The following PARPBP variants were observed in gnomAD, a reference collection of about 807,000 sequenced individuals.
PARPBP encodes PARP1 binding protein.
PARPBP carries 52 observed loss-of-function variants against 50.0 expected under a neutral mutation model. The ratio of observed to expected loss-of-function variants is 1.04; its 90% CI spans 0.83 to 1.31. The LOEUF is 1.31. Ranked by LOEUF, PARPBP falls within the 50% of genes most tolerant of loss-of-function variation. PARPBP has a pLI of 0.00. For missense variants in PARPBP, 697 were observed against 672.0 expected (o/e 1.04, Z -0.41); for synonymous variants, 244 against 232.1 (o/e 1.05, Z -0.47).
intron 9 of PARPBP, among the ~76,000 whole-genome samples, chr12:102,190,767 T>C (rs987124086): frequency 3.9e-5 from 6 of 152,134 alleles, no homozygotes; most frequent in Non-Finnish European, 8.8e-5. Context: ...ATGGAGTTTA[T>C]ATTTTAGTTG....
At chr12:102,141,895 C>T (rs548490789) in intron 2 of PARPBP, among the ~76,000 whole-genome samples, 1 of 152,266 alleles carries the variant, frequency 6.6e-6, no homozygotes, top group East Asian at 1.9e-4. Flanking sequence ...GTAACCTGAC[C>T]TTTCTCTCTG....
chr12:102,125,483 T>C (rs1230407690), intron 2 of PARPBP, among the ~76,000 whole-genome samples: 1 of 152,078 alleles, frequency 6.6e-6, no homozygotes, highest in Admixed American at 6.6e-5. Context: ...GCCATGGGGA[T>C]TTTTATGGGA....
rs1196460891 is a variant in PARPBP at position 102,196,892 on chromosome 12, T to C, written c.*601T>C. Reference sequence around the variant, plus strand: ...ATGGTCTTATTTGATTTTGTTATGATTGCATCCAAATTCACTTTAACTCAG... The same window carrying C: ...ATGGTCTTATTTGATTTTGTTATGACTGCATCCAAATTCACTTTAACTCAG... On this transcript the variant is annotated 3_prime_UTR_variant, in exon 11 of 11. Coordinates refer to ENST00000327680, the MANE Select transcript of PARPBP (RefSeq NM_017915.5). 1.1e-5 allele frequency: 14 copies of C among 1,251,400 alleles called. No individual in the cohort carries two copies. Among genetic ancestry groups the C allele is most frequent in the Admixed American group, 5.7e-5 (3 of 52,254 alleles). 77.5% of individuals were successfully genotyped at this position (1,251,400 alleles called of 1,614,324 possible).
intron 2 of PARPBP, among the ~76,000 whole-genome samples, chr12:102,142,876 G>C (rs1378743443): frequency 6.6e-6 from 1 of 152,182 alleles, no homozygotes; most frequent in Non-Finnish European, 1.5e-5. Context: ...GGGACACCCG[G>C]CCGTATGAGG....
At chr12:102,121,053 G>A (rs961040664) in intron 1 of PARPBP, among the ~76,000 whole-genome samples, 3 of 152,194 alleles carry the variant, frequency 2.0e-5, no homozygotes, top group African/African-American at 7.2e-5. Flanking sequence ...GCCATTCAGA[G>A]TGCTTGCATA....
At chr12:102,136,694 T>C (rs1883682080) in intron 2 of PARPBP, among the ~76,000 whole-genome samples, 1 of 152,186 alleles carries the variant, frequency 6.6e-6, no homozygotes, top group Non-Finnish European at 1.5e-5. Context: ...TGTGCACATG[T>C]GTAGTGGTGT....
At chr12:102,184,015 C>T (rs12303633) in intron 9 of PARPBP, among the ~76,000 whole-genome samples, 1 of 124,668 alleles carries the variant, frequency 8.0e-6, no homozygotes, top group African/African-American at 3.2e-5. Context: ...CCACTTCATT[C>T]TAGCCTGGGT....
intron 2 of PARPBP, among the ~76,000 whole-genome samples, chr12:102,132,763 A>G (rs922392426): frequency 6.6e-6 from 1 of 152,204 alleles, no homozygotes; most frequent in African/African-American, 2.4e-5. Flanking sequence ...CATTTTAACA[A>G]TATTAATTCT....
In PARPBP at chr12:102,141,420, G is replaced by A. The variant is rs554481873; in HGVS notation, c.154-6810G>A. Among the ~76,000 whole-genome samples the A allele has an allele frequency of 4.6e-3, 696 of 152,118 alleles. 7 individuals are homozygous for A. The highest frequency in any genetic ancestry group is 0.016 in the African/African-American group (670 of 41,498). On this transcript the variant is annotated intron_variant, in intron 2 of 10. Coordinates refer to ENST00000327680, the MANE Select transcript of PARPBP (RefSeq NM_017915.5). The stretch of plus-strand genomic sequence containing the variant: ...GGTCTCCTGAATACAGCACACTGAT[G>A]GGTCTTGACTCTTTATCCAATTTGC...
At chr12:102,179,714 G>GATAT (rs35094914) in intron 8 of PARPBP, among the ~76,000 whole-genome samples, 2 of 151,792 alleles carry the variant, frequency 1.3e-5, no homozygotes, top group Non-Finnish European at 2.9e-5. Flanking sequence ...AAGGCATATA[G>GATAT]ATATATATAT....
At chr12:102,193,723 T>C (rs1891011847) in intron 9 of PARPBP, among the ~76,000 whole-genome samples, 1 of 152,068 alleles carries the variant, frequency 6.6e-6, no homozygotes, top group Non-Finnish European at 1.5e-5. Flanking sequence ...CTGCTTTAAA[T>C]CTGTAGTTAT....
At chr12:102,134,498 G>A (rs79791059) in intron 2 of PARPBP, among the ~76,000 whole-genome samples, 5,458 of 152,192 alleles carry the variant, frequency 0.036, 398 homozygotes, top group East Asian at 0.3. Flanking sequence ...GGACCTGATG[G>A]CTTTACTGCT....
chr12:102,163,040 A>C (rs1453701192), intron 4 of PARPBP, among the ~76,000 whole-genome samples: 1 of 152,176 alleles, frequency 6.6e-6, no homozygotes, highest in African/African-American at 2.4e-5. Context: ...AAAGGTGTGA[A>C]GTTTAAGTTG....
intron 2 of PARPBP, among the ~76,000 whole-genome samples, chr12:102,136,067 T>G (rs1883586777): frequency 6.6e-6 from 1 of 152,246 alleles, no homozygotes; most frequent in Non-Finnish European, 1.5e-5. Flanking sequence ...CATCAATTTT[T>G]AAAATAGAGC....
intron 3 of PARPBP, chr12:102,151,905 A>C (rs1025769344): frequency 1.3e-6 from 1 of 780,814 alleles, no homozygotes; most frequent in Non-Finnish European, 2.0e-6. Context: ...AAGGAGCTTC[A>C]GTTTAATATA....
At chr12:102,176,491 T>TA (rs1399829094) in intron 7 of PARPBP, among the ~76,000 whole-genome samples, 1 of 152,228 alleles carries the variant, frequency 6.6e-6, no homozygotes, top group Non-Finnish European at 1.5e-5. Flanking sequence ...TGGCAATTTT[T>TA]AAACTATATA....
chr12:102,122,511 A>G (rs570248433), intron 1 of PARPBP, among the ~76,000 whole-genome samples: 1 of 152,342 alleles, frequency 6.6e-6, no homozygotes, highest in South Asian at 2.1e-4. Flanking sequence ...AAAATACCCA[A>G]AATAAGATGA....
intron 4 of PARPBP, among the ~76,000 whole-genome samples, chr12:102,160,727 T>A (rs983746669): frequency 7.9e-5 from 12 of 152,150 alleles, no homozygotes; most frequent in African/African-American, 2.4e-4. Context: ...GGCAGGCAGA[T>A]CACCTGAGGT....
At chr12:102,195,848 T>TAAAAAG in intron 10 of PARPBP, 103 bp from the exon 11 acceptor site, 1 of 691,166 alleles carries the variant, frequency 1.4e-6, no homozygotes, top group Non-Finnish European at 2.4e-6. Context: ...ACTTTAAAAA[T>TAAAAAG]TTGAATATTC....
Sources: gnomAD v4.1 joint callset for allele counts (sites outside exome capture counted in the v4.1 genomes callset) on GRCh38, gnomAD v4.1.1 for gene constraint, MANE v1.5 for transcripts, NCBI Gene and HGNC (gene_info 2026-07-23, HGNC 2026-07-21) for gene names.